ABHD16B: variants seen among roughly 807,000 people sequenced by gnomAD.
ABHD16B encodes abhydrolase domain containing 16B.
Under a neutral mutation model 10.5 loss-of-function variants are expected in ABHD16B, and 14 were observed. The observed-to-expected ratio is 1.33, with a 90% CI of 0.88 to 2.08. The LOEUF (loss-of-function observed/expected upper bound fraction) is 2.08, where lower values mean the gene tolerates loss of function less well. Among genes scored for constraint, ABHD16B ranks in the 30% most tolerant of loss-of-function variants. ABHD16B has a pLI of 0.00. For missense variants in ABHD16B, 763 were observed against 717.4 expected, an observed-to-expected ratio of 1.06 and a Z score of -0.73; for synonymous variants, 374 against 337.9, an observed-to-expected ratio of 1.11 and a Z score of -1.17.
Position 63,861,822 on chromosome 20 carries a change from C to CGGCCAGCTCGCTGGCTACGCGCT in ABHD16B, c.294_295insGGCTACGCGCTGGCCAGCTCGCT (p.Ser99GlyfsTer28). The CGGCCAGCTCGCTGGCTACGCGCT allele has an allele frequency of 6.6e-7, 1 of 1,508,846 alleles. No homozygotes were observed. Among genetic ancestry groups the CGGCCAGCTCGCTGGCTACGCGCT allele is most frequent in the South Asian group, 1.2e-5 (1 of 82,106 alleles). 93.5% of individuals were successfully genotyped at this position (1,508,846 alleles called of 1,614,324 possible). On this transcript the variant is annotated frameshift_variant, in exon 1 of 1. Transcript: ENST00000369916. LOFTEE classifies it high-confidence loss of function. This position sits in a 1 kb window ranked among gnomAD's most constrained non-coding sequence, Gnocchi z 5.4. The stretch of plus-strand genomic sequence containing the variant: ...TCTTGCAGCAGCTCCGCGAGCTGCC[C>CGGCCAGCTCGCTGGCTACGCGCT]GGCCAGCTCGCTAGCTACGCGCTGG...
rs745412875 is a variant in ABHD16B at position 63,862,697 on chromosome 20, G to T, written c.1157G>T (p.Arg386Leu). The change falls in exon 1 of 1, where the codon CGC (arginine) becomes CTC (leucine). Residue 386 changes from arginine (R) to leucine (L), a missense_variant. Arg to Leu is a moderately radical substitution (Grantham distance 102, BLOSUM62 -2). Transcript: ENST00000369916. This position sits in a 1 kb window ranked among gnomAD's most constrained non-coding sequence, Gnocchi z 7.5. ...GCGCAGGAGGCCGCCTTCTATGCAC[G>T]CTACCGCGTGGACGAGGACTGGTGC... The part of the protein sequence containing the change: ...SLAQEAAFYA[R>L]YRVDEDWCLA... 1.4e-5 allele frequency: 22 copies of T among 1,533,584 alleles called. No homozygotes were observed. Among genetic ancestry groups the T allele is most frequent in the Admixed American group, 5.9e-5 (3 of 50,608 alleles). The allele number at this position is 1,533,584 out of a possible 1,614,324, so 95.0% of individuals were successfully genotyped here.
In ABHD16B at chr20:63,862,371, G is replaced by T. The variant is rs1388250866; in HGVS notation, c.831G>T (p.Pro277=). The part of the protein sequence containing the change: ...VLDATFDDLV[P]LALKVMPHSW... ...ACGCCACCTTCGACGACCTTGTGCCGCTGGCGCTGAAGGTCATGCCCCACA... is the reference window on the plus strand; with the variant it reads ...ACGCCACCTTCGACGACCTTGTGCCTCTGGCGCTGAAGGTCATGCCCCACA... Residue 277 remains proline (P), a synonymous_variant, in exon 1 of 1, where the codon CCG becomes CCT. Transcript: ENST00000369916. The surrounding 1 kb of genome is among the most constrained non-coding windows in gnomAD (Gnocchi z 7.5). The T allele has an allele frequency of 1.9e-6, 3 of 1,608,598 alleles. No homozygotes were observed. The highest frequency in any genetic ancestry group is 2.5e-6 in the Non-Finnish European group (3 of 1,178,246).
chr20:63,861,507 C>G lies in ABHD16B; in HGVS notation c.-34C>G. On this transcript the variant is annotated 5_prime_UTR_variant, in exon 1 of 1. Coordinates refer to ENST00000369916, the MANE Select transcript of ABHD16B (RefSeq NM_080622.4). This position sits in a 1 kb window ranked among gnomAD's most constrained non-coding sequence, Gnocchi z 5.4. The stretch of plus-strand genomic sequence containing the variant: ...CTGCCCTGTGCCTCTCGCGGCGATC[C>G]CGGCCCAGCGGCTGGGCGTTAGGGC... The G allele has an allele frequency of 6.5e-7, 1 of 1,535,498 alleles. No homozygotes were observed. The highest frequency in any genetic ancestry group is 1.2e-5 in the South Asian group (1 of 83,890).
chr20:63,862,746 T>C lies in ABHD16B; in HGVS notation c.1206T>C (p.Arg402=). 2 of 1,529,750 alleles carry C rather than the reference T, an allele frequency of 1.3e-6. No homozygotes were observed. Among genetic ancestry groups the C allele is most frequent in the Non-Finnish European group, 1.8e-6 (2 of 1,141,524 alleles). The allele number at this position is 1,529,750 out of a possible 1,614,324, so 94.8% of individuals were successfully genotyped here. A position where few individuals can be genotyped will look rare whatever the true frequency, so the allele number is the denominator to read the frequency against. ...DWCLALLRSY[R]ARCEEELEGE... The stretch of plus-strand genomic sequence containing the variant: ...GCCTGGCGCTGCTGCGCTCCTACCG[T>C]GCACGCTGCGAAGAGGAGCTGGAGG... Residue 402 remains arginine (R), a synonymous_variant, in exon 1 of 1, where the codon CGT becomes CGC. Transcript: ENST00000369916. The surrounding 1 kb of genome is among the most constrained non-coding windows in gnomAD (Gnocchi z 7.5).
At position 63,862,586 on chromosome 20, in the gene ABHD16B, TGC is replaced by T; in HGVS notation, c.1049_1050del (p.Arg350ProfsTer111). On this transcript the variant is annotated frameshift_variant, in exon 1 of 1. Coordinates refer to ENST00000369916, the MANE Select transcript of ABHD16B (RefSeq NM_080622.4). LOFTEE classifies it low-confidence loss of function (END_TRUNC). This position sits in a 1 kb window ranked among gnomAD's most constrained non-coding sequence, Gnocchi z 7.5. ...GGCAACCGGGGCAATGAGCTGCTGC[TGC>T]GCCTGCTGGAGCACCGCTACCCCGT... 6.4e-7 allele frequency: 1 copy of T among 1,562,282 alleles called. No individual in the cohort carries two copies. Among genetic ancestry groups the T allele is most frequent in the Non-Finnish European group, 8.6e-7 (1 of 1,159,028 alleles).
At position 63,862,072 on chromosome 20, in the gene ABHD16B, G is replaced by A; in HGVS notation, c.532G>A (p.Glu178Lys). The A allele has an allele frequency of 6.2e-7, 1 of 1,611,378 alleles. No individual in the cohort carries two copies. The change falls in exon 1 of 1, where the codon GAA (glutamate) becomes AAA (lysine). Residue 178 changes from glutamate to lysine, a missense_variant. Physicochemically the swap from Glu to Lys is moderately conservative, Grantham distance 56 (BLOSUM62 1). Coordinates refer to ENST00000369916, the MANE Select transcript of ABHD16B (RefSeq NM_080622.4). This position sits in a 1 kb window ranked among gnomAD's most constrained non-coding sequence, Gnocchi z 7.5. ...VHGPRLVICCEGNAGFYEMGC... is the reference protein window; with the variant it reads ...VHGPRLVICCKGNAGFYEMGC... ...CGGGCCGCGCCTCGTCATCTGCTGC[G>A]AAGGCAACGCGGGCTTCTACGAGAT...
At position 63,862,019 on chromosome 20, in the gene ABHD16B, G is replaced by T. The variant is rs546231830; in HGVS notation, c.479G>T (p.Arg160Leu). 7.5e-6 allele frequency: 12 copies of T among 1,606,808 alleles called. No individual in the cohort carries two copies. Among genetic ancestry groups the T allele is most frequent in the Non-Finnish European group, 1.7e-6 (2 of 1,179,342 alleles). The change falls in exon 1 of 1, where the codon CGC (arginine) becomes CTC (leucine). Residue 160 changes from arginine to leucine, a missense_variant. Arg to Leu is a moderately radical substitution (Grantham distance 102, BLOSUM62 -2). Coordinates refer to ENST00000369916, the MANE Select transcript of ABHD16B (RefSeq NM_080622.4). The surrounding 1 kb of genome is among the most constrained non-coding windows in gnomAD (Gnocchi z 7.5). ...GNEIDTMFMDRRQHPGSHVHG... is the reference protein window; with the variant it reads ...GNEIDTMFMDLRQHPGSHVHG... ...GAGATCGACACTATGTTCATGGACC[G>T]CCGCCAGCACCCGGGCAGCCACGTG... is the stretch of plus-strand genomic sequence containing the variant.
rs1420325660 is a variant in ABHD16B at position 63,862,672 on chromosome 20, G to C, written c.1132G>C (p.Ala378Pro). ...CCGCTGGCTGCGCGCTGGCAGCTTG[G>C]CGCAGGAGGCCGCCTTCTATGCACG... ...VTRWLRAGSLAQEAAFYARYR... is the reference protein window; with the variant it reads ...VTRWLRAGSLPQEAAFYARYR... The change falls in exon 1 of 1, where the codon GCG (alanine) becomes CCG (proline). Residue 378 changes from alanine to proline, a missense_variant. Transcript: ENST00000369916. This position sits in a 1 kb window ranked among gnomAD's most constrained non-coding sequence, Gnocchi z 7.5. 1 of 1,535,834 alleles carries C rather than the reference G, an allele frequency of 6.5e-7. No homozygotes were observed. Among genetic ancestry groups the C allele is most frequent in the Admixed American group, 2.0e-5 (1 of 50,904 alleles).
In ABHD16B at chr20:63,862,398, T is replaced by C; in HGVS notation, c.858T>C (p.Ser286=). The part of the protein sequence containing the change: ...VPLALKVMPH[S]WKGLVVRTVR... ...TGGCGCTGAAGGTCATGCCCCACAG[T>C]TGGAAGGGGCTGGTGGTGCGCACCG... The change falls in exon 1 of 1, where the codon AGT becomes AGC. Residue 286 remains serine (S), a synonymous_variant. Coordinates refer to ENST00000369916, the MANE Select transcript of ABHD16B (RefSeq NM_080622.4). The surrounding 1 kb of genome is among the most constrained non-coding windows in gnomAD (Gnocchi z 7.5). 1 of 1,601,242 alleles carries C rather than the reference T, an allele frequency of 6.2e-7. No individual in the cohort carries two copies. The highest frequency in any genetic ancestry group is 8.5e-7 in the Non-Finnish European group (1 of 1,175,434).
In ABHD16B at chr20:63,861,843, G is replaced by C; in HGVS notation, c.303G>C (p.Ala101=). The C allele has an allele frequency of 6.5e-7, 1 of 1,546,836 alleles. No individual in the cohort carries two copies. The highest frequency in any genetic ancestry group is 2.4e-5 in the East Asian group (1 of 41,686). ...TGCCCGGCCAGCTCGCTAGCTACGC[G>C]CTGGCCCACTCGCTGGGCCGCTGGC... The part of the protein sequence containing the change: ...RELPGQLASY[A]LAHSLGRWLV... Residue 101 remains alanine, a synonymous_variant, in exon 1 of 1, where the codon GCG becomes GCC. Coordinates refer to ENST00000369916, the MANE Select transcript of ABHD16B (RefSeq NM_080622.4). The surrounding 1 kb of genome is among the most constrained non-coding windows in gnomAD (Gnocchi z 5.4).
At position 63,861,899 on chromosome 20, in the gene ABHD16B, C is replaced by CG; in HGVS notation, c.360dup (p.Arg121AlafsTer29). The stretch of plus-strand genomic sequence containing the variant: ...TACCCCGGCTCCGTGTCCCTGATGA[C>CG]GCGCGCGCTGCTGCCGCTGCTGCAG... On this transcript the variant is annotated frameshift_variant, in exon 1 of 1. Transcript: ENST00000369916. LOFTEE classifies it high-confidence loss of function. The surrounding 1 kb of genome is among the most constrained non-coding windows in gnomAD (Gnocchi z 5.4). 1 of 1,585,404 alleles carries CG rather than the reference C, an allele frequency of 6.3e-7. No individual in the cohort carries two copies. Among genetic ancestry groups the CG allele is most frequent in the Non-Finnish European group, 8.5e-7 (1 of 1,172,586 alleles).
Position 63,862,576 on chromosome 20 carries a change from G to A in ABHD16B, c.1036G>A (p.Glu346Lys). The change falls in exon 1 of 1, where the codon GAG becomes AAG. Residue 346 changes from glutamate to lysine, a missense_variant. By Grantham distance (56) the Glu-to-Lys change is moderately conservative. Transcript: ENST00000369916. The surrounding 1 kb of genome is among the most constrained non-coding windows in gnomAD (Gnocchi z 7.5). ...TGACGTGGAGGGCAACCGGGGCAAT[G>A]AGCTGCTGCTGCGCCTGCTGGAGCA... The part of the protein sequence containing the change: ...PGDVEGNRGN[E>K]LLLRLLEHRY... The A allele has an allele frequency of 4.5e-6, 7 of 1,566,830 alleles. No individual in the cohort carries two copies. The highest frequency in any genetic ancestry group is 6.0e-6 in the Non-Finnish European group (7 of 1,161,406).
Position 63,862,208 on chromosome 20 carries a change from T to C in ABHD16B, c.668T>C (p.Met223Thr), listed in dbSNP as rs773862528. 3 of 1,611,358 alleles carry C rather than the reference T, an allele frequency of 1.9e-6. No homozygotes were observed. The highest frequency in any genetic ancestry group is 1.7e-5 in the Admixed American group (1 of 59,956). The change falls in exon 1 of 1, where the codon ATG (methionine) becomes ACG (threonine). Residue 223 changes from methionine (M) to threonine (T), a missense_variant. Transcript: ENST00000369916. This position sits in a 1 kb window ranked among gnomAD's most constrained non-coding sequence, Gnocchi z 7.5. ...VPFPQHDANA[M>T]DVVVEYALHR... ...TTCCCTCAGCACGACGCCAACGCCA[T>C]GGACGTGGTGGTCGAGTACGCACTG...
rs759853787 is a variant in ABHD16B, at chr20:63,862,258, C to A, written c.718C>A (p.His240Asn). 3 of 1,612,260 alleles carry A rather than the reference C, an allele frequency of 1.9e-6. No individual in the cohort carries two copies. Among genetic ancestry groups the A allele is most frequent in the Non-Finnish European group, 2.5e-6 (3 of 1,179,756 alleles). The change falls in exon 1 of 1, where the codon CAC (histidine) becomes AAC (asparagine). Residue 240 changes from histidine (H) to asparagine (N), a missense_variant. Transcript: ENST00000369916. This position sits in a 1 kb window ranked among gnomAD's most constrained non-coding sequence, Gnocchi z 7.5. Reference sequence around the variant, plus strand: ...GCACCGCCTGCACTTCCCGCCCGCGCACCTGGTGGTCTACGGCTGGTCTGT... The same window carrying A: ...GCACCGCCTGCACTTCCCGCCCGCGAACCTGGTGGTCTACGGCTGGTCTGT... Reference protein sequence around the residue: ...ALHRLHFPPAHLVVYGWSVGG... With the variant: ...ALHRLHFPPANLVVYGWSVGG...
In ABHD16B at chr20:63,862,576, G is replaced by T. The variant is rs1455157139; in HGVS notation, c.1036G>T (p.Glu346Ter). The T allele has an allele frequency of 3.8e-6, 6 of 1,566,712 alleles. No homozygotes were observed. The African/African-American group carries it at 8.1e-5, about 21-fold the overall frequency. Residue 346 changes from glutamate (E) to a stop codon, truncating the protein, a stop_gained, in exon 1 of 1, where the codon GAG (glutamate) becomes TAG (stop). Coordinates refer to ENST00000369916, the MANE Select transcript of ABHD16B (RefSeq NM_080622.4). LOFTEE classifies it low-confidence loss of function (END_TRUNC). The surrounding 1 kb of genome is among the most constrained non-coding windows in gnomAD (Gnocchi z 7.5). Reference sequence around the variant, plus strand: ...TGACGTGGAGGGCAACCGGGGCAATGAGCTGCTGCTGCGCCTGCTGGAGCA... The same window carrying T: ...TGACGTGGAGGGCAACCGGGGCAATTAGCTGCTGCTGCGCCTGCTGGAGCA... ...PGDVEGNRGN[E>*]LLLRLLEHRY... is the part of the protein sequence containing the mutation.
chr20:63,862,170 C>T lies in ABHD16B; in HGVS notation c.630C>T (p.Ser210=), dbSNP rs2052093165. 1 of 1,611,278 alleles carries T rather than the reference C, an allele frequency of 6.2e-7. No individual in the cohort carries two copies. The highest frequency in any genetic ancestry group is 1.3e-5 in the African/African-American group (1 of 74,894). Residue 210 remains serine (S), a synonymous_variant, in exon 1 of 1, where the codon AGC becomes AGT. Coordinates refer to ENST00000369916, the MANE Select transcript of ABHD16B (RefSeq NM_080622.4). This position sits in a 1 kb window ranked among gnomAD's most constrained non-coding sequence, Gnocchi z 7.5. ...GGAACCACCCCGGCTTCGGCAGCAGCACTGGCGTGCCCTTCCCTCAGCACG... is the reference window on the plus strand; with the variant it reads ...GGAACCACCCCGGCTTCGGCAGCAGTACTGGCGTGCCCTTCCCTCAGCACG... ...LGWNHPGFGS[S]TGVPFPQHDA...
chr20:63,861,825 C>A lies in ABHD16B; in HGVS notation c.285C>A (p.Gly95=), dbSNP rs1284048333. ...TGCAGCAGCTCCGCGAGCTGCCCGGCCAGCTCGCTAGCTACGCGCTGGCCC... is the reference window on the plus strand; with the variant it reads ...TGCAGCAGCTCCGCGAGCTGCCCGGACAGCTCGCTAGCTACGCGCTGGCCC... ...CLLQQLRELP[G]QLASYALAHS... The change falls in exon 1 of 1, where the codon GGC becomes GGA. Residue 95 remains glycine, a synonymous_variant. Transcript: ENST00000369916. This position sits in a 1 kb window ranked among gnomAD's most constrained non-coding sequence, Gnocchi z 5.4. 1 of 1,514,626 alleles carries A rather than the reference C, an allele frequency of 6.6e-7. No homozygotes were observed. The highest frequency in any genetic ancestry group is 1.2e-5 in the South Asian group (1 of 82,856). The allele number at this position is 1,514,626 out of a possible 1,614,324, so 93.8% of individuals were successfully genotyped here. A position where few individuals can be genotyped will look rare whatever the true frequency, so the allele number is the denominator to read the frequency against.
Position 63,862,446 on chromosome 20 carries a change from C to G in ABHD16B, c.906C>G (p.Asn302Lys), listed in dbSNP as rs754050036. 1 of 1,570,810 alleles carries G rather than the reference C, an allele frequency of 6.4e-7. No homozygotes were observed. The highest frequency in any genetic ancestry group is 8.6e-7 in the Non-Finnish European group (1 of 1,162,846). ...VRTVREHFNL[N>K]VAEQLCCYPG... The stretch of plus-strand genomic sequence containing the variant: ...CCGTGCGCGAGCACTTCAACCTCAA[C>G]GTGGCCGAGCAGCTGTGCTGCTACC... The change falls in exon 1 of 1, where the codon AAC becomes AAG. Residue 302 changes from asparagine to lysine, a missense_variant. Physicochemically the swap from Asn to Lys is moderately conservative, Grantham distance 94. Transcript: ENST00000369916. The surrounding 1 kb of genome is among the most constrained non-coding windows in gnomAD (Gnocchi z 7.5).
chr20:63,862,565 A>G lies in ABHD16B; in HGVS notation c.1025A>G (p.Asn342Ser). 6.4e-7 allele frequency: 1 copy of G among 1,570,468 alleles called. No individual in the cohort carries two copies. The highest frequency in any genetic ancestry group is 2.3e-5 in the East Asian group (1 of 43,402). ...RPLSPGDVEG[N>S]RGNELLLRLL... ...CTGTCACCTGGTGACGTGGAGGGCAACCGGGGCAATGAGCTGCTGCTGCGC... is the reference window on the plus strand; with the variant it reads ...CTGTCACCTGGTGACGTGGAGGGCAGCCGGGGCAATGAGCTGCTGCTGCGC... The change falls in exon 1 of 1, where the codon AAC becomes AGC. Residue 342 changes from asparagine to serine, a missense_variant. By Grantham distance (46) the Asn-to-Ser change is conservative. Coordinates refer to ENST00000369916, the MANE Select transcript of ABHD16B (RefSeq NM_080622.4). The surrounding 1 kb of genome is among the most constrained non-coding windows in gnomAD (Gnocchi z 7.5).
Sources: allele counts gnomAD v4.1 joint callset, GRCh38; gene constraint gnomAD v4.1.1; non-coding constraint Gnocchi (gnomAD v3.1); transcripts MANE v1.5; gene names NCBI Gene and HGNC (gene_info 2026-07-23, HGNC 2026-07-21).